DCC: variants seen among roughly 807,000 people sequenced by gnomAD.
The protein encoded by DCC is netrin receptor DCC.
A neutral mutation model predicts 172.5 loss-of-function variants in DCC; 58 were observed. That is an observed-to-expected ratio of 0.34 (90% CI 0.27 to 0.42). The LOEUF is 0.42. Ranked by LOEUF, DCC falls within the 10% of genes least tolerant of loss-of-function variation. The pLI, the probability that DCC is intolerant of heterozygous loss-of-function variation, is 1.00. For synonymous variants in DCC, 709 were observed against 644.5 expected, an observed-to-expected ratio of 1.10 and a Z score of -1.52; for missense variants, 1,740 against 1,791.0, an observed-to-expected ratio of 0.97 and a Z score of 0.51.
chr18:52,721,310 T>C (rs2036470671), intron 1 of DCC, among the ~76,000 whole-genome samples: 1 of 152,212 alleles, frequency 6.6e-6, no homozygotes, highest in African/African-American at 2.4e-5. Flanking sequence ...TTCAAGTGAG[T>C]AATTTAATGT....
chr18:52,499,824 T>A (rs571413636), intron 1 of DCC, among the ~76,000 whole-genome samples: 1 of 152,244 alleles, frequency 6.6e-6, no homozygotes, highest in African/African-American at 2.4e-5. Context: ...CACTAGTGAC[T>A]CATGGTGCAA....
At chr18:52,453,780 C>A (rs1249187027) in intron 1 of DCC, among the ~76,000 whole-genome samples, 1 of 152,076 alleles carries the variant, frequency 6.6e-6, no homozygotes, top group Non-Finnish European at 1.5e-5. Flanking sequence ...ACGGATTTGT[C>A]TTTCCTTTCA....
intron 1 of DCC, among the ~76,000 whole-genome samples, chr18:52,482,810 C>T (rs1160701932): frequency 6.6e-6 from 1 of 152,150 alleles, no homozygotes; most frequent in Non-Finnish European, 1.5e-5. Flanking sequence ...TGTGATCTCT[C>T]TTCACCTCCA....
At chr18:52,985,090 G>A (rs978555697) in intron 5 of DCC, among the ~76,000 whole-genome samples, 1 of 151,730 alleles carries the variant, frequency 6.6e-6, no homozygotes, top group Non-Finnish European at 1.5e-5. Context: ...GTTCTAATTC[G>A]TGTTGTTGAT....
chr18:52,593,088 A>G (rs1005160034), intron 1 of DCC, among the ~76,000 whole-genome samples: 5 of 152,106 alleles, frequency 3.3e-5, no homozygotes, highest in Admixed American at 1.3e-4. Flanking sequence ...CAATAGATTC[A>G]TGGCTGGGTC....
At chr18:52,840,483 C>G (rs543128360) in intron 2 of DCC, among the ~76,000 whole-genome samples, 81 of 152,246 alleles carry the variant, frequency 5.3e-4, no homozygotes, top group Admixed American at 2.0e-3. Flanking sequence ...TAGAACCATT[C>G]TAAGTGTAAC....
chr18:53,514,346 G>A (rs895790043), intron 27 of DCC, among the ~76,000 whole-genome samples: 3 of 152,054 alleles, frequency 2.0e-5, no homozygotes, highest in African/African-American at 7.2e-5. Context: ...ACAAGAGAGA[G>A]CAGGAAAGAT....
intron 1 of DCC, among the ~76,000 whole-genome samples, chr18:52,692,397 T>C (rs1227581054): frequency 6.6e-6 from 1 of 152,148 alleles, no homozygotes; most frequent in Non-Finnish European, 1.5e-5. Context: ...CCTTCTGTTG[T>C]TTAATCACTG....
intron 1 of DCC, among the ~76,000 whole-genome samples, chr18:52,675,896 T>C (rs1046567971): frequency 3.9e-5 from 6 of 152,236 alleles, no homozygotes; most frequent in African/African-American, 1.2e-4. Flanking sequence ...ATAGGATTCA[T>C]TGGCCTGCCT....
chr18:53,288,810 G>C (rs940424338), intron 12 of DCC, among the ~76,000 whole-genome samples: 4 of 152,096 alleles, frequency 2.6e-5, no homozygotes, highest in Admixed American at 2.6e-4. Flanking sequence ...TAACTTATCT[G>C]AACTTTAGTG....
At chr18:52,802,501 G>T (rs1296826522) in intron 2 of DCC, among the ~76,000 whole-genome samples, 6 of 150,658 alleles carry the variant, frequency 4.0e-5, no homozygotes, top group African/African-American at 1.5e-4. Context: ...TTGAGACAAG[G>T]TCTCACTCTC....
At chr18:53,353,621 G>A (rs189173701) in intron 15 of DCC, among the ~76,000 whole-genome samples, 263 of 152,062 alleles carry the variant, frequency 1.7e-3, no homozygotes, top group South Asian at 4.4e-3. Flanking sequence ...TGTTATGTGT[G>A]AAAAAGTTTT....
intron 5 of DCC, among the ~76,000 whole-genome samples, chr18:52,988,701 T>G (rs185187849): frequency 2.3e-3 from 357 of 152,272 alleles, no homozygotes; most frequent in Non-Finnish European, 3.7e-3. Context: ...CTTTAATCTT[T>G]CTATTAAGAA....
At chr18:52,981,864 A>T (rs933236880) in intron 5 of DCC, among the ~76,000 whole-genome samples, 5 of 152,186 alleles carry the variant, frequency 3.3e-5, no homozygotes, top group Admixed American at 2.0e-4. Flanking sequence ...ACAGTTATAG[A>T]TGAATAATGG....
chr18:52,755,005 A>G (rs552699085), intron 2 of DCC, among the ~76,000 whole-genome samples: 1 of 152,242 alleles, frequency 6.6e-6, no homozygotes, highest in Non-Finnish European at 1.5e-5. Context: ...ATTGATGAGT[A>G]TAAAGTGTAG....
intron 5 of DCC, among the ~76,000 whole-genome samples, chr18:52,930,126 T>G (rs987333254): frequency 3.3e-5 from 5 of 152,062 alleles, no homozygotes; most frequent in African/African-American, 1.2e-4. Flanking sequence ...TCTTTTTCTT[T>G]TCTTTTTTTC....
chr18:52,733,198 A>G lies in DCC; in HGVS notation c.92-18856A>G, dbSNP rs553554844. Among the ~76,000 whole-genome samples the G allele has an allele frequency of 9.9e-5, 15 of 152,216 alleles. No homozygotes were observed. In the South Asian group the frequency reaches 3.1e-3, roughly 32 times the overall value. On this transcript the variant is annotated intron_variant, in intron 1 of 28. Coordinates refer to ENST00000442544, the MANE Select transcript of DCC (RefSeq NM_005215.4). ...GAGAAGGGTTCTCTCCTGTGATCCT[A>G]ACTCCCATGCCTCATTCTGCCATTA...
chr18:53,307,893 G>GTGTGTATA (rs1327232235), intron 13 of DCC, among the ~76,000 whole-genome samples: 1 of 97,578 alleles, frequency 1.0e-5, no homozygotes, highest in Non-Finnish European at 1.8e-5. Flanking sequence ...CAATGTGTGT[G>GTGTGTATA]TATGTATATA....
chr18:52,700,983 A>T (rs2145035583), intron 1 of DCC, among the ~76,000 whole-genome samples: 1 of 152,286 alleles, frequency 6.6e-6, no homozygotes, highest in Middle Eastern at 3.4e-3. Flanking sequence ...TAACAAACAT[A>T]TTGTCATGGT....
Sources: gnomAD v4.1 joint callset for allele counts (sites outside exome capture counted in the v4.1 genomes callset) on GRCh38, gnomAD v4.1.1 for gene constraint, MANE v1.5 for transcripts, NCBI Gene and HGNC (gene_info 2026-07-23, HGNC 2026-07-21) for gene names.